The following YLPM1 variants were observed in gnomAD, a reference collection of about 807,000 sequenced individuals.
YLPM1 encodes the protein YLP motif containing 1, also known as YLP motif-containing protein 1.
In YLPM1, 99 loss-of-function variants were observed where a neutral mutation model predicts 230.0. That is an observed-to-expected ratio of 0.43 (90% confidence interval 0.37 to 0.51). The LOEUF is 0.51. Among genes scored for constraint, YLPM1 ranks in the 20% least tolerant of loss-of-function variants. The probability of loss-of-function intolerance (pLI) is 0.00; values close to 1 mark genes in which losing one functional copy is unlikely to be tolerated. For missense variants in YLPM1, 2,592 were observed against 2,707.7 expected (o/e 0.96, Z 0.95); for synonymous variants, 984 against 942.5 (o/e 1.04, Z -0.81).
intron 4 of YLPM1, among the ~76,000 whole-genome samples, chr14:74,794,512 G>A (rs1433628857): frequency 1.3e-5 from 2 of 152,062 alleles, no homozygotes; most frequent in African/African-American, 4.8e-5. Flanking sequence ...ATTAGGTTGG[G>A]TCACAGGGAG....
chr14:74,803,812 A>C (rs1408873767), intron 6 of YLPM1, among the ~76,000 whole-genome samples: 1 of 152,174 alleles, frequency 6.6e-6, no homozygotes, highest in Non-Finnish European at 1.5e-5. Flanking sequence ...AAGTATAATT[A>C]CACCCATTTT....
At chr14:74,806,049 A>G (rs2091375453) in intron 6 of YLPM1, among the ~76,000 whole-genome samples, 1 of 150,890 alleles carries the variant, frequency 6.6e-6, no homozygotes, top group Non-Finnish European at 1.5e-5. Flanking sequence ...ACATAGCCAA[A>G]CAGCTCTCTA....
intron 11 of YLPM1, among the ~76,000 whole-genome samples, chr14:74,815,977 T>G (rs1377500149): frequency 6.6e-6 from 1 of 152,152 alleles, no homozygotes; most frequent in African/African-American, 2.4e-5. Context: ...TTTCACGTAT[T>G]TGTGAGTTTC....
rs377682630 is a variant in YLPM1 at position 74,797,830 on chromosome 14, G to C, written c.2533G>C (p.Gly845Arg). ...GTGGAAAGGCCCCAAACCAGCTTTTGGACAGCAGCATCAGCAGCAACCTAA... is the reference window on the plus strand; with the variant it reads ...GTGGAAAGGCCCCAAACCAGCTTTTCGACAGCAGCATCAGCAGCAACCTAA... ...PQWKGPKPAF[G>R]QQHQQQPKSQ... is the part of the protein sequence containing the mutation. The change falls in exon 5 of 21, where the codon GGA becomes CGA. Residue 845 changes from glycine to arginine, a missense_variant. Around this residue, in one of 4 missense-constraint regions of YLPM1, gnomAD observed 1,862 missense variants for 1,819.8 expected, o/e 1.02. Transcript: ENST00000325680. 2.7e-5 allele frequency: 44 copies of C among 1,613,804 alleles called. No individual in the cohort carries two copies. Among genetic ancestry groups the C allele is most frequent in the Middle Eastern group, 1.6e-4 (1 of 6,084 alleles).
At chr14:74,808,231 T>C (rs942584636) in intron 6 of YLPM1, among the ~76,000 whole-genome samples, 3 of 152,268 alleles carry the variant, frequency 2.0e-5, no homozygotes, top group African/African-American at 7.2e-5. Context: ...AAATGAATTA[T>C]ATAATATGTA....
intron 13 of YLPM1, 47 bp from the exon 14 acceptor site, chr14:74,816,884 T>C (rs2091482327): frequency 1.3e-6 from 2 of 1,514,594 alleles, no homozygotes; most frequent in Middle Eastern, 1.8e-4. Flanking sequence ...AGGTTTTGGA[T>C]GATTCTTTGC....
intron 4 of YLPM1, among the ~76,000 whole-genome samples, chr14:74,786,556 C>T (rs1236615642): frequency 6.6e-6 from 1 of 152,144 alleles, no homozygotes; most frequent in Admixed American, 6.5e-5. Flanking sequence ...TGTATGTACT[C>T]ATGAGTCTGG....
chr14:74,781,700 G>A lies in YLPM1; in HGVS notation c.1657G>A (p.Ala553Thr), dbSNP rs1308130113. ...PPPVMPPALP[A>T]TVPPPGMPPP... ...ACCAGTGATGCCCCCTGCCCTCCCT[G>A]CTACAGTGCCACCACCTGGCATGCC... The change falls in exon 4 of 21, where the codon GCT (alanine) becomes ACT (threonine). Residue 553 changes from alanine to threonine, a missense_variant. Ala to Thr is a moderately conservative substitution (Grantham distance 58). Around this residue, in one of 4 missense-constraint regions of YLPM1, gnomAD observed 1,862 missense variants for 1,819.8 expected, o/e 1.02. Transcript: ENST00000325680. 1 of 1,591,990 alleles carries A rather than the reference G, an allele frequency of 6.3e-7. No homozygotes were observed. Among genetic ancestry groups the A allele is most frequent in the Admixed American group, 1.8e-5 (1 of 56,408 alleles).
intron 4 of YLPM1, among the ~76,000 whole-genome samples, chr14:74,793,232 G>T (rs2091225059): frequency 6.6e-6 from 1 of 151,872 alleles, no homozygotes; most frequent in African/African-American, 2.4e-5. Flanking sequence ...CTTAACTTTG[G>T]GACATTTCTT....
chr14:74,797,825 C>T lies in YLPM1; in HGVS notation c.2528C>T (p.Ala843Val). The T allele has an allele frequency of 2.5e-6, 4 of 1,613,984 alleles. No homozygotes were observed. The highest frequency in any genetic ancestry group is 3.4e-6 in the Non-Finnish European group (4 of 1,179,894). The change falls in exon 5 of 21, where the codon GCT becomes GTT. Residue 843 changes from alanine (A) to valine (V), a missense_variant. Physicochemically the swap from Ala to Val is moderately conservative, Grantham distance 64. Coordinates refer to ENST00000325680, the MANE Select transcript of YLPM1 (RefSeq NM_019589.3). Reference sequence around the variant, plus strand: ...CCACAGTGGAAAGGCCCCAAACCAGCTTTTGGACAGCAGCATCAGCAGCAA... The same window carrying T: ...CCACAGTGGAAAGGCCCCAAACCAGTTTTTGGACAGCAGCATCAGCAGCAA... ...SGPQWKGPKP[A>V]FGQQHQQQPK... is the part of the protein sequence containing the mutation.
intron 1 of YLPM1, among the ~76,000 whole-genome samples, chr14:74,771,557 A>G (rs952746675): frequency 6.6e-6 from 1 of 152,220 alleles, no homozygotes; most frequent in South Asian, 2.1e-4. Flanking sequence ...GTGCGTTGCC[A>G]TGAACGTCAA....
chr14:74,772,015 A>G (rs548037766), intron 1 of YLPM1, among the ~76,000 whole-genome samples: 3 of 152,324 alleles, frequency 2.0e-5, no homozygotes, highest in East Asian at 3.9e-4. Context: ...GCTTTAGAAT[A>G]TAAGACATAG....
chr14:74,811,800 C>T (rs536728585), intron 10 of YLPM1, 62 bp downstream of exon 10: 2 of 1,142,556 alleles, frequency 1.8e-6, no homozygotes, highest in South Asian at 3.4e-5. Flanking sequence ...AGATGCTTTC[C>T]ATTGTAGCTA....
At chr14:74,810,070 T>C (rs1159071436) in intron 8 of YLPM1, 68 bp downstream of exon 8, 4 of 1,497,460 alleles carry the variant, frequency 2.7e-6, no homozygotes, top group Admixed American at 2.3e-5. Flanking sequence ...ATTTTCCTTT[T>C]GGTGAGATTA....
At chr14:74,817,309 C>A (rs753699931) in intron 15 of YLPM1, 32 bp downstream of exon 15, 35 of 1,532,132 alleles carry the variant, frequency 2.3e-5, no homozygotes, top group Non-Finnish European at 3.0e-5. Context: ...TAATAGAGTA[C>A]TATCATGCGC....
At position 74,799,273 on chromosome 14, in the gene YLPM1, C is replaced by A. The variant is rs557113841; in HGVS notation, c.3976C>A (p.Arg1326=). 2.3e-4 allele frequency: 370 copies of A among 1,613,960 alleles called. 1 individual carries two copies. The South Asian group carries it at 3.6e-3, about 16-fold the overall frequency. Residue 1326 remains arginine (R), a synonymous_variant, in exon 5 of 21, where the codon CGG becomes AGG. Coordinates refer to ENST00000325680, the MANE Select transcript of YLPM1 (RefSeq NM_019589.3). ...TGAACAAGAATCACAGTTTCGTGAA[C>A]GGGATATTCCATCTCTTCCACCTTT... ...LDEQESQFRE[R]DIPSLPPLPP... is the part of the protein sequence containing the mutation.
intron 18 of YLPM1, 87 bp downstream of exon 18, chr14:74,824,394 T>A (rs765330735): frequency 1.5e-6 from 2 of 1,354,756 alleles, no homozygotes; most frequent in Non-Finnish European, 2.1e-6. Context: ...ACAAATTTCC[T>A]AAAACTTCTA....
At chr14:74,789,956 A>G (rs1056447746) in intron 4 of YLPM1, among the ~76,000 whole-genome samples, 16 of 152,040 alleles carry the variant, frequency 1.1e-4, no homozygotes, top group Admixed American at 9.8e-4. Context: ...AGAATGTAAA[A>G]AAGATCACTT....
chr14:74,773,711 CTTTTTTTTTTT>C (rs766885242), intron 1 of YLPM1, among the ~76,000 whole-genome samples: 13 of 60,562 alleles, frequency 2.1e-4, no homozygotes, highest in African/African-American at 3.8e-4. Context: ...TGTTTTCTTT[CTTTTTTTTTTT>C]TTTTTTTTTT....
Sources: gnomAD v4.1 joint callset for allele counts (sites outside exome capture counted in the v4.1 genomes callset) on GRCh38, gnomAD v4.1.1 for gene constraint, gnomAD v4.1.1 regional missense constraint, MANE v1.5 for transcripts, NCBI Gene and HGNC (gene_info 2026-07-23, HGNC 2026-07-21) for gene names.